SSBP2: variants seen among roughly 807,000 people sequenced by gnomAD.
The protein encoded by SSBP2 is single-stranded DNA-binding protein 2.
SSBP2 carries 17 observed loss-of-function variants against 61.8 expected under a neutral mutation model. That is an observed-to-expected ratio of 0.28 (90% CI 0.19 to 0.41). SSBP2 has a LOEUF of 0.41. SSBP2 is among the 10% of genes least tolerant of loss of function. SSBP2 has a pLI of 1.00. For synonymous variants in SSBP2, 139 were observed against 141.3 expected (o/e 0.98, Z 0.12); for missense variants, 310 against 458.7 (o/e 0.68, Z 2.96).
chr5:81,686,528 T>C (rs1054304400), intron 1 of SSBP2, among the ~76,000 whole-genome samples: 1 of 152,168 alleles, frequency 6.6e-6, no homozygotes, highest in African/African-American at 2.4e-5. Context: ...CAGTAATTAT[T>C]GTATTTAGTA....
At chr5:81,719,097 T>C (rs531320838) in intron 1 of SSBP2, among the ~76,000 whole-genome samples, 1 of 152,328 alleles carries the variant, frequency 6.6e-6, no homozygotes, top group Non-Finnish European at 1.5e-5. Flanking sequence ...ATTCCTACAA[T>C]GTTTCTAGTG....
At chr5:81,531,456 C>A (rs1264873902) in intron 4 of SSBP2, among the ~76,000 whole-genome samples, 3 of 151,854 alleles carry the variant, frequency 2.0e-5, no homozygotes, top group African/African-American at 7.3e-5. Flanking sequence ...GAACTGTATA[C>A]AAACTAATAA....
chr5:81,428,493 T>C (rs1306220351), intron 16 of SSBP2, 92 bp downstream of exon 16: 1 of 857,486 alleles, frequency 1.2e-6, no homozygotes, highest in Non-Finnish European at 1.9e-6. Flanking sequence ...GAACTCTAGA[T>C]AAACAGCAGT....
chr5:81,698,292 A>G (rs1360301678), intron 1 of SSBP2, among the ~76,000 whole-genome samples: 1 of 152,236 alleles, frequency 6.6e-6, no homozygotes, highest in Non-Finnish European at 1.5e-5. Flanking sequence ...TTGTGATGCT[A>G]TGTGTACTAC....
chr5:81,564,597 C>T (rs1773289449), intron 4 of SSBP2, among the ~76,000 whole-genome samples: 1 of 152,156 alleles, frequency 6.6e-6, no homozygotes, highest in African/African-American at 2.4e-5. Context: ...GCCTACCTAT[C>T]AGATTATCTC....
intron 1 of SSBP2, among the ~76,000 whole-genome samples, chr5:81,670,962 A>G (rs1751539844): frequency 6.6e-6 from 1 of 152,122 alleles, no homozygotes; most frequent in African/African-American, 2.4e-5. Flanking sequence ...CTTATAATCC[A>G]TTTTCTACTT....
intron 1 of SSBP2, among the ~76,000 whole-genome samples, chr5:81,707,126 G>T (rs185314358): frequency 1.1e-3 from 161 of 152,244 alleles, no homozygotes; most frequent in African/African-American, 3.5e-3. Flanking sequence ...CCTCTGAGAG[G>T]TAACAGAGCA....
chr5:81,575,209 A>T (rs1049455899), intron 4 of SSBP2, among the ~76,000 whole-genome samples: 1 of 152,200 alleles, frequency 6.6e-6, no homozygotes, highest in Non-Finnish European at 1.5e-5. Context: ...TGGAGGTTGC[A>T]GTGAGCTGAG....
chr5:81,499,521 T>C (rs750761202), intron 5 of SSBP2, among the ~76,000 whole-genome samples: 2 of 152,216 alleles, frequency 1.3e-5, no homozygotes, highest in Non-Finnish European at 2.9e-5. Flanking sequence ...CATAATATTC[T>C]ATAACAATTT....
intron 4 of SSBP2, among the ~76,000 whole-genome samples, chr5:81,584,280 T>A (rs1390960789): frequency 6.6e-6 from 1 of 152,202 alleles, no homozygotes; most frequent in East Asian, 1.9e-4. Flanking sequence ...GTCCTAGTAA[T>A]ACGCATTATA....
intron 15 of SSBP2, among the ~76,000 whole-genome samples, chr5:81,433,981 A>T (rs1010421508): frequency 1.3e-5 from 2 of 152,240 alleles, no homozygotes; most frequent in Non-Finnish European, 2.9e-5. Flanking sequence ...AGCACTTCAT[A>T]GCCCTTAACA....
intron 1 of SSBP2, among the ~76,000 whole-genome samples, chr5:81,693,371 G>A (rs1753362755): frequency 6.6e-6 from 1 of 152,062 alleles, no homozygotes; most frequent in African/African-American, 2.4e-5. Flanking sequence ...AGGACACACT[G>A]AACAAAGTTA....
At chr5:81,643,455 A>C (rs1197898152) in intron 2 of SSBP2, among the ~76,000 whole-genome samples, 1 of 152,112 alleles carries the variant, frequency 6.6e-6, no homozygotes, top group Non-Finnish European at 1.5e-5. Context: ...TTCTAGACTA[A>C]ATTCCTGAGA....
At chr5:81,620,509 C>T (rs1212021543) in intron 3 of SSBP2, among the ~76,000 whole-genome samples, 3 of 136,472 alleles carry the variant, frequency 2.2e-5, no homozygotes, top group East Asian at 2.2e-4. Flanking sequence ...GAATCAATAT[C>T]GTGAAAATGG....
At chr5:81,437,143 C>T (rs538947528) in intron 15 of SSBP2, among the ~76,000 whole-genome samples, 1 of 151,314 alleles carries the variant, frequency 6.6e-6, no homozygotes, top group South Asian at 2.3e-4. Flanking sequence ...AAATAAGTAA[C>T]ATCTTAATGT....
chr5:81,475,187 T>C (rs1325753592), intron 6 of SSBP2, among the ~76,000 whole-genome samples: 4 of 152,294 alleles, frequency 2.6e-5, no homozygotes, highest in African/African-American at 9.6e-5. Flanking sequence ...TCAGCAGTAC[T>C]TAAAGCTGGA....
intron 4 of SSBP2, among the ~76,000 whole-genome samples, chr5:81,603,480 G>A (rs889092772): frequency 5.9e-5 from 9 of 152,294 alleles, no homozygotes; most frequent in Admixed American, 3.9e-4. Context: ...TTACAAGCAA[G>A]TCATTAAGAC....
chr5:81,682,163 A>C (rs1752434973), intron 1 of SSBP2, among the ~76,000 whole-genome samples: 1 of 152,214 alleles, frequency 6.6e-6, no homozygotes, highest in South Asian at 2.1e-4. Context: ...AATTTTCTAC[A>C]ATCTCTCATA....
intron 9 of SSBP2, among the ~76,000 whole-genome samples, chr5:81,462,330 G>C (rs1421128731): frequency 6.6e-6 from 1 of 150,448 alleles, no homozygotes; most frequent in Non-Finnish European, 1.5e-5. Flanking sequence ...GAGCAAGTTA[G>C]TTATGATATT....
Sources: gnomAD v4.1 joint callset for allele counts (sites outside exome capture counted in the v4.1 genomes callset) on GRCh38, gnomAD v4.1.1 for gene constraint, MANE v1.5 for transcripts, NCBI Gene and HGNC (gene_info 2026-07-23, HGNC 2026-07-21) for gene names.